FOXP2: variants seen among roughly 807,000 people sequenced by gnomAD.
FOXP2 encodes the protein forkhead box P2, also known as forkhead box protein P2.
A neutral mutation model predicts 115.8 loss-of-function variants in FOXP2; 12 were observed. The ratio of observed to expected loss-of-function variants is 0.10; its 90% CI spans 0.07 to 0.17. The LOEUF (loss-of-function observed/expected upper bound fraction) is 0.17. Among genes scored for constraint, FOXP2 ranks in the 10% least tolerant of loss-of-function variants. The pLI is 1.00. For missense variants in FOXP2, 629 were observed against 843.5 expected (o/e 0.75, Z 3.15); for synonymous variants, 328 against 297.7 (o/e 1.10, Z -1.05).
chr7:114,655,646 G>T (rs1445906128), intron 10 of FOXP2, among the ~76,000 whole-genome samples: 1 of 152,096 alleles, frequency 6.6e-6, no homozygotes, highest in Admixed American at 6.6e-5. Context: ...CTTCAAAATT[G>T]ATATGATAGT....
At chr7:114,582,987 G>A (rs1801944549) in intron 3 of FOXP2, among the ~76,000 whole-genome samples, 1 of 152,072 alleles carries the variant, frequency 6.6e-6, no homozygotes, top group South Asian at 2.1e-4. Context: ...TTATGAAATT[G>A]GAACTAAAGT....
At chr7:114,642,771 T>TTATATATAATATATATATATA (rs1805610940) in intron 7 of FOXP2, 148 bp downstream of exon 7, 2 of 227,380 alleles carry the variant, frequency 8.8e-6, no homozygotes, top group African/African-American at 5.3e-5. Flanking sequence ...TTATCTTATT[T>TTATATATAATATATATATATA]TATATATAAT....
chr7:114,536,544 G>C (rs1297209317), intron 3 of FOXP2, among the ~76,000 whole-genome samples: 1 of 150,608 alleles, frequency 6.6e-6, no homozygotes. Context: ...ATTGTTGTTT[G>C]TTTATCAATG....
chr7:114,640,223 A>G (rs1013194909), intron 6 of FOXP2, among the ~76,000 whole-genome samples: 28 of 152,208 alleles, frequency 1.8e-4, no homozygotes, highest in African/African-American at 6.8e-4. Flanking sequence ...TCAGAATTCT[A>G]GGTTAAAGCA....
intron 3 of FOXP2, among the ~76,000 whole-genome samples, chr7:114,621,921 A>G (rs1310046144): frequency 1.3e-5 from 2 of 152,052 alleles, no homozygotes; most frequent in East Asian, 3.8e-4. Context: ...AAATATTTAA[A>G]TATTTAAATT....
chr7:114,386,715 A>C (rs923425237), intron 2 of FOXP2, among the ~76,000 whole-genome samples: 2 of 152,216 alleles, frequency 1.3e-5, no homozygotes, highest in African/African-American at 4.8e-5. Context: ...GACAAGAGGG[A>C]AAAGGAGAGG....
At chr7:114,317,034 A>C (rs1229198470) in intron 2 of FOXP2, among the ~76,000 whole-genome samples, 3 of 152,144 alleles carry the variant, frequency 2.0e-5, no homozygotes, top group Non-Finnish European at 1.5e-5. Context: ...GTGTCTGCTG[A>C]AACTTTGGTT....
chr7:114,620,525 T>C (rs1346215861), intron 3 of FOXP2, among the ~76,000 whole-genome samples: 6 of 152,048 alleles, frequency 3.9e-5, no homozygotes, highest in African/African-American at 1.4e-4. Context: ...TAGAAACCTT[T>C]CAGCAAGACT....
chr7:114,676,785 T>C (rs1807793005), intron 16 of FOXP2, among the ~76,000 whole-genome samples: 1 of 152,174 alleles, frequency 6.6e-6, no homozygotes, highest in Admixed American at 6.5e-5. Context: ...TGCCTGCAAT[T>C]AGTAAACCAC....
intron 2 of FOXP2, among the ~76,000 whole-genome samples, chr7:114,375,097 A>G (rs1433514383): frequency 7.1e-6 from 1 of 140,256 alleles, no homozygotes; most frequent in East Asian, 2.1e-4. Flanking sequence ...CGATTTTTGT[A>G]AAAAAAAAAA....
At chr7:114,642,194 A>G (rs1224433289) in intron 6 of FOXP2, among the ~76,000 whole-genome samples, 1 of 152,006 alleles carries the variant, frequency 6.6e-6, no homozygotes, top group Non-Finnish European at 1.5e-5. Flanking sequence ...TATTCCCCAT[A>G]CTATTCCCAA....
intron 2 of FOXP2, among the ~76,000 whole-genome samples, chr7:114,457,402 A>C (rs1338442984): frequency 1.3e-5 from 2 of 152,202 alleles, no homozygotes; most frequent in Admixed American, 6.5e-5. Flanking sequence ...TGATTAAAAA[A>C]AAATCATAAT....
chr7:114,690,292 G>A lies in FOXP2; in HGVS notation c.*366G>A, dbSNP rs745872209. On this transcript the variant is annotated 3_prime_UTR_variant, in exon 17 of 17. Coordinates refer to ENST00000350908, the MANE Select transcript of FOXP2 (RefSeq NM_014491.4). Reference sequence around the variant, plus strand: ...TACATGTCCTGTAGAAAGCAAATGCGCCTCATATACTGCCAAAAATAGTGT... The same window carrying A: ...TACATGTCCTGTAGAAAGCAAATGCACCTCATATACTGCCAAAAATAGTGT... 1.9e-4 allele frequency: 88 copies of A among 457,882 alleles called. 2 individuals carry two copies. Among genetic ancestry groups the A allele is most frequent in the Non-Finnish European group, 3.2e-4 (74 of 229,640 alleles). 28.4% of individuals were successfully genotyped at this position (457,882 alleles called of 1,614,324 possible).
In FOXP2 at chr7:114,132,574, TGTGTGTGTGA is replaced by T. The variant is rs1372066319; in HGVS notation, c.-246-30368_-246-30359del. Among the ~76,000 whole-genome samples the T allele has an allele frequency of 4.2e-3, 453 of 108,500 alleles. 3 individuals carry two copies. Among genetic ancestry groups the T allele is most frequent in the African/African-American group, 0.017 (433 of 25,822 alleles). The allele number at this position is 108,500 out of a possible 152,430, so 71.2% of individuals were successfully genotyped here. A position where few individuals can be genotyped will look rare whatever the true frequency, so the allele number is the denominator to read the frequency against. The stretch of plus-strand genomic sequence containing the variant: ...GTGTGTGTGTGTGTGTGTGTGTGTG[TGTGTGTGTGA>T]GAGAGAGAGAGAGAGAGAGAGAGAG... On this transcript the variant is annotated intron_variant, in intron 1 of 19. Coordinates refer to the FOXP2 transcript ENST00000635638.
In FOXP2 at chr7:114,642,800, ATATATATATATAT is replaced by A. The variant is rs1563054454; in HGVS notation, c.989+179_989+191del. On this transcript the variant is annotated intron_variant, in intron 7 of 16. Coordinates refer to ENST00000350908, the MANE Select transcript of FOXP2 (RefSeq NM_014491.4). ...ATATAATATATATATATATATATAT[ATATATATATATAT>A]TTTTTTTTTTTTTTAGGCAGAGTCT... 9.8e-5 allele frequency among the ~76,000 whole-genome samples: 3 copies of A among 30,708 alleles called. 1 individual carries two copies. 20.1% of individuals were successfully genotyped at this position (30,708 alleles called of 152,430 possible).
chr7:114,452,048 T>C (rs925782190), intron 2 of FOXP2, among the ~76,000 whole-genome samples: 2 of 151,990 alleles, frequency 1.3e-5, no homozygotes, highest in African/African-American at 4.8e-5. Context: ...CAGACACATA[T>C]TTGTCTTGAT....
intron 7 of FOXP2, among the ~76,000 whole-genome samples, chr7:114,643,490 T>C (rs561302857): frequency 6.6e-6 from 1 of 152,206 alleles, no homozygotes; most frequent in Non-Finnish European, 1.5e-5. Context: ...AATTTTATGA[T>C]TAAATTCAAC....
At chr7:114,578,495 T>C (rs1801683908) in intron 3 of FOXP2, among the ~76,000 whole-genome samples, 1 of 152,100 alleles carries the variant, frequency 6.6e-6, no homozygotes, top group Non-Finnish European at 1.5e-5. Context: ...CCATTATTAA[T>C]TGAATTCAAG....
At chr7:114,377,191 G>A (rs12705961) in intron 2 of FOXP2, among the ~76,000 whole-genome samples, 67,335 of 152,028 alleles carry the variant, frequency 0.44, 16,339 homozygotes, top group East Asian at 0.63. Flanking sequence ...ATTTCTAGCC[G>A]TTGATGAGAT....
Sources: allele counts gnomAD v4.1 joint callset (sites outside exome capture counted in the v4.1 genomes callset), GRCh38; gene constraint gnomAD v4.1.1; transcripts MANE v1.5; gene names NCBI Gene and HGNC (gene_info 2026-07-23, HGNC 2026-07-21).